The following TENM2 variants were observed in gnomAD, a reference collection of about 807,000 sequenced individuals.
TENM2 encodes the protein teneurin-2.
In TENM2, 52 loss-of-function variants were observed where a neutral mutation model predicts 245.2. That is an observed-to-expected ratio of 0.21 (90% CI 0.17 to 0.27). The LOEUF (loss-of-function observed/expected upper bound fraction) is 0.27. Ranked by LOEUF, TENM2 falls within the 10% of genes least tolerant of loss-of-function variation. TENM2 has a pLI of 1.00. For synonymous variants in TENM2, 1,363 were observed against 1,438.9 expected, an observed-to-expected ratio of 0.95 and a Z score of 1.19; for missense variants, 3,046 against 3,666.8, an observed-to-expected ratio of 0.83 and a Z score of 4.37.
chr5:167,835,882 G>A (rs896796906), intron 2 of TENM2, among the ~76,000 whole-genome samples: 1 of 152,086 alleles, frequency 6.6e-6, no homozygotes, highest in Admixed American at 6.5e-5. Context: ...ACTAGGAGGT[G>A]GTTGGGAGGA....
In TENM2 at chr5:167,706,090, ATATAATTATACCAGTATATATG is replaced by A. The variant is rs1244292410; in HGVS notation, c.503-169874_503-169853del. 2.7e-5 allele frequency among the ~76,000 whole-genome samples: 4 copies of A among 145,860 alleles called. No individual in the cohort carries two copies. In the East Asian group the frequency reaches 5.9e-4, roughly 21 times the overall value. Reference sequence around the variant, plus strand: ...CAATAGATATACAGTGTGTGTATATATATAATTATACCAGTATATATGTATAATTATACCAGTATATATACCA... The same window carrying A: ...CAATAGATATACAGTGTGTGTATATATATAATTATACCAGTATATATACCA... On this transcript the variant is annotated intron_variant, in intron 2 of 28. Coordinates refer to ENST00000518659, the Ensembl canonical transcript of TENM2.
At chr5:167,562,917 A>G (rs932438889) in intron 2 of TENM2, among the ~76,000 whole-genome samples, 3 of 150,122 alleles carry the variant, frequency 2.0e-5, no homozygotes, top group Admixed American at 1.3e-4. Flanking sequence ...AGATCGCACC[A>G]CTGCACTCCA....
the TENM2 span, among the ~76,000 whole-genome samples, chr5:167,059,318 G>A: frequency 9.9e-5 from 15 of 152,118 alleles, no homozygotes; most frequent in African/African-American, 2.4e-5. Flanking sequence ...AATTCATAGT[G>A]CATTGCTCAA....
At chr5:167,408,638 T>A (rs988720863) in intron 2 of TENM2, among the ~76,000 whole-genome samples, 1 of 152,004 alleles carries the variant, frequency 6.6e-6, no homozygotes, top group African/African-American at 2.4e-5. Context: ...AGTGATGCCA[T>A]AATGTACTTG....
At chr5:167,116,816 A>G in the TENM2 span, 1 of 152,194 alleles carries the variant, frequency 6.6e-6, no homozygotes, top group Non-Finnish European at 1.5e-5. Flanking sequence ...ACATTAGAAG[A>G]CTTTATTGTA....
the TENM2 span, among the ~76,000 whole-genome samples, chr5:166,994,200 G>A: frequency 6.6e-6 from 1 of 152,168 alleles, no homozygotes; most frequent in African/African-American, 2.4e-5. Context: ...TTAGGTAAAA[G>A]CAGAATATCT....
intron 2 of TENM2, among the ~76,000 whole-genome samples, chr5:167,414,086 A>G (rs1763044470): frequency 6.6e-6 from 1 of 152,152 alleles, no homozygotes; most frequent in Non-Finnish European, 1.5e-5. Flanking sequence ...TACTGAATTT[A>G]TACTTGTTTC....
chr5:167,940,577 A>G (rs1037135263), intron 3 of TENM2, among the ~76,000 whole-genome samples: 6 of 152,212 alleles, frequency 3.9e-5, no homozygotes, highest in Admixed American at 3.3e-4. Flanking sequence ...CTCCAGGCCA[A>G]GGGTACAGCA....
At chr5:167,676,831 C>A (rs1249438642) in intron 2 of TENM2, among the ~76,000 whole-genome samples, 1 of 152,102 alleles carries the variant, frequency 6.6e-6, no homozygotes, top group African/African-American at 2.4e-5. Context: ...TCAAAACGCC[C>A]TTGAAAACGT....
the TENM2 span, among the ~76,000 whole-genome samples, chr5:167,035,774 C>CT: frequency 6.6e-6 from 1 of 152,238 alleles, no homozygotes; most frequent in African/African-American, 2.4e-5. Context: ...CAGTTTCACT[C>CT]TGTCACCTAG....
chr5:168,099,159 C>T (rs1457143850), intron 9 of TENM2, among the ~76,000 whole-genome samples: 1 of 152,102 alleles, frequency 6.6e-6, no homozygotes, highest in Non-Finnish European at 1.5e-5. Flanking sequence ...ATCCGCCCAC[C>T]TTATCCTCCC....
At chr5:167,426,123 G>A (rs893789894) in intron 2 of TENM2, among the ~76,000 whole-genome samples, 3 of 151,922 alleles carry the variant, frequency 2.0e-5, no homozygotes, top group African/African-American at 4.8e-5. Context: ...GACCCCAGAC[G>A]CCAAGCCACA....
intron 2 of TENM2, among the ~76,000 whole-genome samples, chr5:167,676,305 C>T (rs1756321263): frequency 6.6e-6 from 1 of 151,966 alleles, no homozygotes; most frequent in African/African-American, 2.4e-5. Flanking sequence ...TCATTAGTCC[C>T]CTTCTTTACT....
chr5:167,561,958 G>A (rs988977672), intron 2 of TENM2, among the ~76,000 whole-genome samples: 4 of 152,208 alleles, frequency 2.6e-5, no homozygotes, highest in Non-Finnish European at 5.9e-5. Flanking sequence ...GCTGGGCTGG[G>A]ATAGTCTCTG....
intron 3 of TENM2, among the ~76,000 whole-genome samples, chr5:167,926,492 G>A (rs1777770240): frequency 6.6e-6 from 1 of 152,156 alleles, no homozygotes. Context: ...GGCCAAGGCG[G>A]ACAGATCACC....
chr5:167,663,144 GAGAGAGAGAGA>G (rs1561649938), intron 2 of TENM2, among the ~76,000 whole-genome samples: 3 of 41,506 alleles, frequency 7.2e-5, no homozygotes, highest in Non-Finnish European at 1.3e-4. Flanking sequence ...GGGATGGGGA[GAGAGAGAGAGA>G]GAGAGAGAGA....
chr5:167,929,119 AAGAAAGAAAGAAAAG>A (rs1778072103), intron 3 of TENM2, among the ~76,000 whole-genome samples: 2 of 137,160 alleles, frequency 1.5e-5, no homozygotes, highest in African/African-American at 5.7e-5. Context: ...GAAAGAAAGA[AAGAAAGAAAGAAAAG>A]AAAGAAGGGA....
intron 2 of TENM2, among the ~76,000 whole-genome samples, chr5:167,698,690 T>TTTTG (rs1757944233): frequency 1.4e-5 from 2 of 143,386 alleles, no homozygotes; most frequent in African/African-American, 5.5e-5. Flanking sequence ...TTTTTTTTTT[T>TTTTG]TTTTTTTTTT....
chr5:168,029,062 G>A (rs979990950), intron 5 of TENM2, among the ~76,000 whole-genome samples: 3 of 152,172 alleles, frequency 2.0e-5, no homozygotes, highest in Non-Finnish European at 4.4e-5. Flanking sequence ...TGGAGGCTGG[G>A]AAGTCCAAGA....
Sources: gnomAD v4.1 joint callset for allele counts (sites outside exome capture counted in the v4.1 genomes callset) on GRCh38, gnomAD v4.1.1 for gene constraint, MANE v1.5 for transcripts, NCBI Gene and HGNC (gene_info 2026-07-23, HGNC 2026-07-21) for gene names.